ZC3H18: variants seen among roughly 807,000 people sequenced by gnomAD.
ZC3H18 encodes the protein zinc finger CCCH-type containing 18.
Under a neutral mutation model 106.1 loss-of-function variants are expected in ZC3H18, and 8 were observed. That is an observed-to-expected ratio of 0.08 (90% CI 0.04 to 0.14). The LOEUF is 0.14. ZC3H18 is among the 10% of genes least tolerant of loss of function. ZC3H18 has a pLI of 1.00. For synonymous variants in ZC3H18, 635 were observed against 522.1 expected, an observed-to-expected ratio of 1.22 and a Z score of -2.95; for missense variants, 1,318 against 1,278.4, an observed-to-expected ratio of 1.03 and a Z score of -0.47.
chr16:88,590,876 G>T (rs886374506), intron 3 of ZC3H18, among the ~76,000 whole-genome samples: 1 of 151,430 alleles, frequency 6.6e-6, no homozygotes, highest in Non-Finnish European at 1.5e-5. Flanking sequence ...TTGGGCTTCT[G>T]ATTTATCCCT....
At chr16:88,598,348 A>ATCG (rs775624977) in intron 4 of ZC3H18, 22 bp downstream of exon 4, 1 of 1,586,416 alleles carries the variant, frequency 6.3e-7, no homozygotes, top group Non-Finnish European at 8.6e-7. Context: ...CTCTTCTTTC[A>ATCG]TTGTTAGCAC....
chr16:88,625,412 G>A (rs1906241928), intron 13 of ZC3H18, 145 bp downstream of exon 13: 12 of 956,330 alleles, frequency 1.3e-5, no homozygotes, highest in Non-Finnish European at 1.9e-5. Flanking sequence ...GTGGAAGGCT[G>A]CGGTTGAAGC....
At chr16:88,576,092 G>A (rs1405430013) in intron 1 of ZC3H18, among the ~76,000 whole-genome samples, 2 of 152,156 alleles carry the variant, frequency 1.3e-5, no homozygotes, top group African/African-American at 2.4e-5. Flanking sequence ...CATAGAGACG[G>A]GGTTTCACCG....
chr16:88,587,666 C>A, intron 3 of ZC3H18: 1 of 1,462,544 alleles, frequency 6.8e-7, no homozygotes, highest in Non-Finnish European at 9.3e-7. Flanking sequence ...CCCCCTACTC[C>A]AGAGGCCAGA....
rs1027501460 is a variant in ZC3H18 at position 88,586,061 on chromosome 16, G to A, written c.604-539G>A. Among the ~76,000 whole-genome samples the A allele has an allele frequency of 5.3e-5, 8 of 152,110 alleles. No homozygotes were observed. In the East Asian group the frequency reaches 1.4e-3, roughly 26 times the overall value. ...GCTGTGCACCCGAGTCCCTGTGGGT[G>A]AGGCCCAGCTTAGAGCTCCTGGGTT... On this transcript the variant is annotated intron_variant, in intron 2 of 17. Transcript: ENST00000301011.
At chr16:88,625,291 C>T (rs571420614) in intron 13 of ZC3H18, 24 bp downstream of exon 13, 5 of 1,570,656 alleles carry the variant, frequency 3.2e-6, no homozygotes, top group African/African-American at 2.7e-5. Context: ...CCCTGTGCCT[C>T]TGTTTCTCCC....
chr16:88,617,251 C>T (rs1438679281), intron 8 of ZC3H18, among the ~76,000 whole-genome samples: 1 of 148,894 alleles, frequency 6.7e-6, no homozygotes, highest in East Asian at 2.0e-4. Flanking sequence ...ATCTCATCCC[C>T]ATCGGTATCT....
intron 2 of ZC3H18, among the ~76,000 whole-genome samples, chr16:88,579,350 T>C (rs1018233413): frequency 3.3e-5 from 5 of 152,120 alleles, no homozygotes; most frequent in African/African-American, 1.2e-4. Flanking sequence ...GTAACAGCCC[T>C]GTCTGCACCA....
intron 3 of ZC3H18, among the ~76,000 whole-genome samples, chr16:88,589,340 AT>A (rs1371173356): frequency 1.3e-5 from 2 of 152,234 alleles, no homozygotes; most frequent in Admixed American, 1.3e-4. Context: ...GGACGTGTGC[AT>A]TTATGTGAAA....
chr16:88,611,568 G>C lies in ZC3H18; in HGVS notation c.1475+32G>C, dbSNP rs1342416407. 7 of 1,544,426 alleles carry C rather than the reference G, an allele frequency of 4.5e-6. No individual in the cohort carries two copies. The East Asian group carries it at 1.5e-4, about 32-fold the overall frequency. On this transcript the variant is annotated intron_variant, in intron 8 of 17. Transcript: ENST00000301011. ...CCTGCTTCCTGAAGCCCAGGGGTGT[G>C]GGGGAGGTCCGGCATGCAGCTCTGT... is the stretch of plus-strand genomic sequence containing the variant.
At chr16:88,614,480 A>G (rs1905459019) in intron 8 of ZC3H18, among the ~76,000 whole-genome samples, 1 of 152,174 alleles carries the variant, frequency 6.6e-6, no homozygotes, top group Non-Finnish European at 1.5e-5. Flanking sequence ...TTTCAGGGTC[A>G]CTCATGGCTG....
intron 10 of ZC3H18, chr16:88,623,549 C>A: frequency 1.5e-6 from 1 of 671,936 alleles, no homozygotes; most frequent in Non-Finnish European, 2.4e-6. Flanking sequence ...TAGATGCGTG[C>A]TGTCACTGAG....
intron 2 of ZC3H18, among the ~76,000 whole-genome samples, chr16:88,582,841 C>T (rs938498310): frequency 7.9e-5 from 12 of 152,326 alleles, no homozygotes; most frequent in Admixed American, 4.6e-4. Context: ...AGCCTCCTGC[C>T]TCCCCTCTTG....
rs75763899 is a variant in ZC3H18 at position 88,607,076 on chromosome 16, C to A, written c.1089-1858C>A. Among the ~76,000 whole-genome samples, 1,500 of 152,140 alleles carry A rather than the reference C, an allele frequency of 9.9e-3. 31 individuals carry two copies. The highest frequency in any genetic ancestry group is 0.034 in the African/African-American group (1,410 of 41,474). The stretch of plus-strand genomic sequence containing the variant: ...GCCCCGCCAGGAGTTTAGAGCAGGC[C>A]CCCCCCAACCCTGTGCGCAGTGGGG... On this transcript the variant is annotated intron_variant, in intron 6 of 17. Coordinates refer to ENST00000301011, the MANE Select transcript of ZC3H18 (RefSeq NM_144604.4).
intron 17 of ZC3H18, 89 bp downstream of exon 17, chr16:88,630,670 A>T (rs1906608106): frequency 8.5e-7 from 1 of 1,180,382 alleles, no homozygotes; most frequent in Non-Finnish European, 1.2e-6. Context: ...CAGGGCTAGC[A>T]CTGGGCCAGG....
At chr16:88,599,640 G>A (rs62050304) in intron 5 of ZC3H18, 151 bp from the exon 6 acceptor site, 204,987 of 914,414 alleles carry the variant, frequency 0.22, 24,536 homozygotes, top group East Asian at 0.34. Context: ...CAACTGTGCT[G>A]TGTCCGCCCC....
intron 17 of ZC3H18, 42 bp from the exon 18 acceptor site, chr16:88,631,059 C>T (rs1208203001): frequency 6.8e-6 from 11 of 1,608,734 alleles, no homozygotes; most frequent in African/African-American, 4.0e-5. Flanking sequence ...CACCTGCAGA[C>T]GTGGCTTCTG....
chr16:88,588,609 C>T (rs1008904775), intron 3 of ZC3H18, among the ~76,000 whole-genome samples: 1 of 152,170 alleles, frequency 6.6e-6, no homozygotes, highest in African/African-American at 2.4e-5. Context: ...CAAAGTTAGA[C>T]TAAGTACTGA....
chr16:88,587,328 G>A (rs887981186), intron 3 of ZC3H18, among the ~76,000 whole-genome samples: 3 of 152,200 alleles, frequency 2.0e-5, no homozygotes, highest in Non-Finnish European at 4.4e-5. Flanking sequence ...TGGGGGATTC[G>A]GAAATGGAAA....
Sources: allele counts gnomAD v4.1 joint callset (sites outside exome capture counted in the v4.1 genomes callset), GRCh38; gene constraint gnomAD v4.1.1; transcripts MANE v1.5; gene names NCBI Gene and HGNC (gene_info 2026-07-23, HGNC 2026-07-21).